ARHGAP5: variants seen among roughly 807,000 people sequenced by gnomAD.
ARHGAP5 encodes Rho GTPase activating protein 5.
In ARHGAP5, 23 loss-of-function variants were observed where a neutral mutation model predicts 116.6. That is an observed-to-expected ratio of 0.20 (90% CI 0.14 to 0.28). The LOEUF (loss-of-function observed/expected upper bound fraction) is 0.28, where lower values mean the gene tolerates loss of function less well. ARHGAP5 is among the 10% of genes least tolerant of loss of function. The probability of loss-of-function intolerance (pLI) is 1.00; values close to 1 mark genes in which losing one functional copy is unlikely to be tolerated. For synonymous variants in ARHGAP5, 574 were observed against 602.0 expected, an observed-to-expected ratio of 0.95 and a Z score of 0.68; for missense variants, 1,405 against 1,774.8, an observed-to-expected ratio of 0.79 and a Z score of 3.74.
intron 1 of ARHGAP5, among the ~76,000 whole-genome samples, chr14:32,083,057 G>C (rs1254166025): frequency 6.6e-6 from 1 of 152,168 alleles, no homozygotes; most frequent in Non-Finnish European, 1.5e-5. Context: ...TGGGTACTGT[G>C]GTCAGCCATT....
chr14:32,135,592 T>A (rs1203011849), intron 3 of ARHGAP5, among the ~76,000 whole-genome samples: 1 of 152,182 alleles, frequency 6.6e-6, no homozygotes, highest in East Asian at 1.9e-4. Flanking sequence ...CCAGCTAATT[T>A]TTGTATTTTT....
At chr14:32,151,461 G>A (rs531897883) in intron 5 of ARHGAP5, among the ~76,000 whole-genome samples, 1 of 152,358 alleles carries the variant, frequency 6.6e-6, no homozygotes, top group South Asian at 2.1e-4. Flanking sequence ...TGGATTACAA[G>A]TAATTGTAGT....
chr14:32,098,283 A>G (rs1397696730), intron 2 of ARHGAP5, among the ~76,000 whole-genome samples: 1 of 152,186 alleles, frequency 6.6e-6, no homozygotes, highest in Non-Finnish European at 1.5e-5. Flanking sequence ...TAGAGTCTGG[A>G]AACAAACAGA....
Position 32,137,952 on chromosome 14 carries a change from C to T in ARHGAP5, c.3866-8311C>T, listed in dbSNP as rs993108696. 2.5e-4 allele frequency among the ~76,000 whole-genome samples: 29 copies of T among 117,200 alleles called. No individual in the cohort carries two copies. The Admixed American group carries it at 2.6e-3, about 11-fold the overall frequency. The allele number at this position is 117,200 out of a possible 152,430, so 76.9% of individuals were successfully genotyped here. On this transcript the variant is annotated intron_variant, in intron 3 of 6. Transcript: ENST00000345122. ...ATGCCATTGCACTCCAGCCTGGGGACAAGAGTGAGGCTTCGTCTCAAAAAA... is the reference window on the plus strand; with the variant it reads ...ATGCCATTGCACTCCAGCCTGGGGATAAGAGTGAGGCTTCGTCTCAAAAAA...
In ARHGAP5 at chr14:32,092,108, G is replaced by GAGA; in HGVS notation, c.1441_1443dup (p.Glu481dup). On this transcript the variant is annotated inframe_insertion, in exon 2 of 7. Transcript: ENST00000345122. The surrounding 1 kb of genome is among the most constrained non-coding windows in gnomAD (Gnocchi z 4.1). ...AAAGAGGTATATGGTAGGCATCAGCGAGAAATAGTTGAAAAAGCCAAAGAA... is the reference window on the plus strand; with the variant it reads ...AAAGAGGTATATGGTAGGCATCAGCGAGAAGAAATAGTTGAAAAAGCCAAAGAA... The GAGA allele has an allele frequency of 6.2e-7, 1 of 1,613,848 alleles. No individual in the cohort carries two copies. Among genetic ancestry groups the GAGA allele is most frequent in the Non-Finnish European group, 8.5e-7 (1 of 1,179,816 alleles).
At chr14:32,108,720 C>G (rs1397730872) in intron 2 of ARHGAP5, among the ~76,000 whole-genome samples, 20 of 151,800 alleles carry the variant, frequency 1.3e-4, no homozygotes, top group Admixed American at 1.3e-3. Flanking sequence ...GGTTGAAAGT[C>G]ATTGGAGTAA....
chr14:32,104,447 C>T (rs1244019166), intron 2 of ARHGAP5, among the ~76,000 whole-genome samples: 2 of 152,148 alleles, frequency 1.3e-5, no homozygotes, highest in Non-Finnish European at 2.9e-5. Context: ...TTCCTCTTTT[C>T]ACCTAGTGTT....
intron 2 of ARHGAP5, among the ~76,000 whole-genome samples, chr14:32,103,480 T>C (rs551288607): frequency 2.0e-5 from 3 of 152,340 alleles, no homozygotes; most frequent in African/African-American, 7.2e-5. Context: ...GAATATTTTG[T>C]AAAAGCATAG....
At chr14:32,120,261 A>G (rs1879817244) in intron 3 of ARHGAP5, among the ~76,000 whole-genome samples, 1 of 152,076 alleles carries the variant, frequency 6.6e-6, no homozygotes. Context: ...AGTGCCTTCT[A>G]GCATCTGTAG....
intron 4 of ARHGAP5, 90 bp downstream of exon 4, chr14:32,146,430 CT>C (rs1881383374): frequency 1.0e-6 from 1 of 955,000 alleles, no homozygotes; most frequent in Non-Finnish European, 1.6e-6. Flanking sequence ...CATTTGAAAA[CT>C]TCCTAAGGAT....
chr14:32,147,533 A>G (rs1362589880), intron 4 of ARHGAP5, among the ~76,000 whole-genome samples: 3 of 152,176 alleles, frequency 2.0e-5, no homozygotes, highest in Non-Finnish European at 2.9e-5. Context: ...TTTGAGAGGC[A>G]GTTTGTGAAT....
chr14:32,137,267 A>C (rs987925325), intron 3 of ARHGAP5, among the ~76,000 whole-genome samples: 1 of 148,688 alleles, frequency 6.7e-6, no homozygotes, highest in Non-Finnish European at 1.5e-5. Flanking sequence ...GTAGAGATCT[A>C]AATTCGTTCT....
intron 1 of ARHGAP5, among the ~76,000 whole-genome samples, chr14:32,078,486 T>G (rs144647073): frequency 6.6e-6 from 1 of 152,340 alleles, no homozygotes; most frequent in Non-Finnish European, 1.5e-5. Flanking sequence ...TTTAAATTCT[T>G]ATCGATCATT....
chr14:32,119,376 A>G (rs1594369639), intron 3 of ARHGAP5, among the ~76,000 whole-genome samples: 1 of 152,102 alleles, frequency 6.6e-6, no homozygotes, highest in South Asian at 2.1e-4. Context: ...ATGATCAGTA[A>G]TTGTGTTGTT....
At chr14:32,077,818 T>C (rs1208504394) in intron 1 of ARHGAP5, among the ~76,000 whole-genome samples, 1 of 151,896 alleles carries the variant, frequency 6.6e-6, no homozygotes. Flanking sequence ...GGTGGCGGTG[T>C]CCGTTGGCCG....
chr14:32,092,695 G>C lies in ARHGAP5; in HGVS notation c.2026G>C (p.Gly676Arg). ...ATTGAGTTTTATTGGGGAATTTATT[G>C]GGAAAATAAGAACTGAAGCTTCTCA... ...ESLSFIGEFIGKIRTEASQIR... is the reference protein window; with the variant it reads ...ESLSFIGEFIRKIRTEASQIR... Residue 676 changes from glycine (G) to arginine (R), a missense_variant, in exon 2 of 7, where the codon GGG (glycine) becomes CGG (arginine). This residue lies in a region of ARHGAP5 where 944 missense variants were observed against 1,095.3 expected (regional missense o/e 0.86). Coordinates refer to ENST00000345122, the MANE Select transcript of ARHGAP5 (RefSeq NM_001030055.2). The surrounding 1 kb of genome is among the most constrained non-coding windows in gnomAD (Gnocchi z 4.1). The C allele has an allele frequency of 1.2e-6, 2 of 1,613,802 alleles. No homozygotes were observed. The highest frequency in any genetic ancestry group is 1.7e-6 in the Non-Finnish European group (2 of 1,179,842).
chr14:32,089,202 G>A (rs2041859967), intron 1 of ARHGAP5, among the ~76,000 whole-genome samples: 2 of 151,948 alleles, frequency 1.3e-5, no homozygotes, highest in South Asian at 4.1e-4. Flanking sequence ...TATGAGCACA[G>A]TTTATCTTCA....
rs1315584482 is a variant in ARHGAP5 at position 32,146,461 on chromosome 14, G to A, written c.3943+121G>A. On this transcript the variant is annotated intron_variant, in intron 4 of 6. Transcript: ENST00000345122. The stretch of plus-strand genomic sequence containing the variant: ...AAGGATATGGATGTTGAGGAGAGAG[G>A]GTTTCAAAGTGAGATTAGAAGCACT... The A allele has an allele frequency of 8.7e-6, 6 of 690,902 alleles. No homozygotes were observed. In the Middle Eastern group the frequency reaches 7.7e-4, roughly 88 times the overall value. The allele number at this position is 690,902 out of a possible 1,614,324, so 42.8% of individuals were successfully genotyped here.
At chr14:32,148,095 G>A (rs1219719996) in intron 4 of ARHGAP5, among the ~76,000 whole-genome samples, 2 of 152,164 alleles carry the variant, frequency 1.3e-5, no homozygotes, top group African/African-American at 4.8e-5. Context: ...GGAGGTTGCA[G>A]TGAGCTGAGA....
Sources: allele counts gnomAD v4.1 joint callset (sites outside exome capture counted in the v4.1 genomes callset), GRCh38; gene constraint gnomAD v4.1.1; regional missense constraint gnomAD v4.1.1; non-coding constraint Gnocchi (gnomAD v3.1); transcripts MANE v1.5; gene names NCBI Gene and HGNC (gene_info 2026-07-23, HGNC 2026-07-21).